The following STAT3 variants were observed in gnomAD, a reference collection of about 807,000 sequenced individuals.
STAT3 encodes the protein signal transducer and activator of transcription 3.
A neutral mutation model predicts 114.3 loss-of-function variants in STAT3; 7 were observed. The observed-to-expected ratio is 0.06, with a 90% CI of 0.03 to 0.11. STAT3 has a LOEUF of 0.11. Ranked by LOEUF, STAT3 falls within the 10% of genes least tolerant of loss-of-function variation. The probability of loss-of-function intolerance (pLI) is 1.00; values close to 1 mark genes in which losing one functional copy is unlikely to be tolerated. For synonymous variants in STAT3, 331 were observed against 354.5 expected (o/e 0.93, Z 0.74); for missense variants, 364 against 960.9 (o/e 0.38, Z 8.21).
At chr17:42,327,872 C>A (rs1352752465) in intron 14 of STAT3, among the ~76,000 whole-genome samples, 2 of 151,844 alleles carry the variant, frequency 1.3e-5, no homozygotes, top group African/African-American at 2.4e-5. Context: ...ATGGTGAAAC[C>A]CTGTCTCTAC....
rs775346917 is a variant in STAT3 at position 42,333,848 on chromosome 17, G to A, written c.956+43C>T. The stretch of plus-strand genomic sequence containing the variant: ...TCTCACTCTACCACGTGAGTCTTTA[G>A]GTATTTTTTAGATGAGGGAAAGGGA... On this transcript the variant is annotated intron_variant, in intron 9 of 23. Coordinates refer to ENST00000264657, the MANE Select transcript of STAT3 (RefSeq NM_139276.3). This position sits in a 1 kb window ranked among gnomAD's most constrained non-coding sequence, Gnocchi z 5.2. 1 of 1,614,086 alleles carries A rather than the reference G, an allele frequency of 6.2e-7. No homozygotes were observed. The highest frequency in any genetic ancestry group is 1.7e-5 in the Admixed American group (1 of 59,992).
intron 11 of STAT3, among the ~76,000 whole-genome samples, chr17:42,330,315 C>T (rs1366451687): frequency 1.3e-5 from 2 of 151,960 alleles, no homozygotes; most frequent in Non-Finnish European, 2.9e-5. Flanking sequence ...AAGGTTTCTC[C>T]ATGTTGGTCG....
chr17:42,352,679 A>G (rs984049999), intron 1 of STAT3, among the ~76,000 whole-genome samples: 2 of 151,918 alleles, frequency 1.3e-5, no homozygotes, highest in Non-Finnish European at 2.9e-5. Flanking sequence ...AATCTGCCTC[A>G]TAGACTAAAA....
intron 1 of STAT3, among the ~76,000 whole-genome samples, chr17:42,384,126 TTA>T (rs1483516201): frequency 4.0e-5 from 3 of 74,970 alleles, no homozygotes; most frequent in Non-Finnish European, 9.1e-5. Flanking sequence ...ATTTATTTAT[TTA>T]TTTATTTTTT....
intron 4 of STAT3, among the ~76,000 whole-genome samples, chr17:42,344,348 G>C (rs920230501): frequency 1.3e-5 from 2 of 151,674 alleles, no homozygotes; most frequent in Non-Finnish European, 2.9e-5. Context: ...CTTGAACCTG[G>C]GAGGCAGAAG....
chr17:42,368,778 G>C (rs2083944137), intron 1 of STAT3, among the ~76,000 whole-genome samples: 1 of 150,780 alleles, frequency 6.6e-6, no homozygotes, highest in African/African-American at 2.4e-5. Flanking sequence ...GGTTACACGT[G>C]CAAGTTTGTT....
intron 1 of STAT3, among the ~76,000 whole-genome samples, chr17:42,383,405 G>A (rs2084911803): frequency 6.8e-6 from 1 of 148,136 alleles, no homozygotes; most frequent in African/African-American, 2.5e-5. Context: ...GTCTCACTAT[G>A]TTGCCCAGGC....
intron 1 of STAT3, among the ~76,000 whole-genome samples, chr17:42,379,963 G>A (rs1174217810): frequency 6.6e-6 from 1 of 152,098 alleles, no homozygotes; most frequent in African/African-American, 2.4e-5. Flanking sequence ...TGGCTGCCAT[G>A]AATCATAATT....
intron 4 of STAT3, among the ~76,000 whole-genome samples, chr17:42,342,514 C>G (rs1292233102): frequency 6.6e-6 from 1 of 151,828 alleles, no homozygotes; most frequent in Non-Finnish European, 1.5e-5. Context: ...TCACTGGGTC[C>G]CCATTTCCTA....
Position 42,324,802 on chromosome 17 carries a change from T to C in STAT3, c.1509A>G (p.Gln503=). ...ACTGCCAGCTCAGGACCTCGGCCAC[T>C]TGATCCCAGGTTCCAATTGGGGGCT... The part of the protein sequence containing the change: ...FTKPPIGTWD[Q]VAEVLSWQFS... The change falls in exon 17 of 24, where the codon CAA becomes CAG. Residue 503 remains glutamine (Q), a synonymous_variant. Coordinates refer to ENST00000264657, the MANE Select transcript of STAT3 (RefSeq NM_139276.3). The surrounding 1 kb of genome is among the most constrained non-coding windows in gnomAD (Gnocchi z 4.5). The C allele has an allele frequency of 6.2e-7, 1 of 1,614,192 alleles. No homozygotes were observed. Among genetic ancestry groups the C allele is most frequent in the African/African-American group, 1.3e-5 (1 of 75,042 alleles).
In STAT3 at chr17:42,324,148, G is replaced by A. The variant is rs563996183; in HGVS notation, c.1601-523C>T. On this transcript the variant is annotated intron_variant, in intron 17 of 23. Transcript: ENST00000264657. This position sits in a 1 kb window ranked among gnomAD's most constrained non-coding sequence, Gnocchi z 4.5. ...ATCCTGGCCAACATGGTAAAACCCC[G>A]TCTCTACTAAAAATACAAAAATTAG... Among the ~76,000 whole-genome samples, 5 of 152,070 alleles carry A rather than the reference G, an allele frequency of 3.3e-5. No individual in the cohort carries two copies. Among genetic ancestry groups the A allele is most frequent in the African/African-American group, 1.2e-4 (5 of 41,472 alleles).
rs1025925749 is a variant in STAT3 at position 42,315,980 on chromosome 17, C to G, written c.2258-180G>C. The G allele has an allele frequency of 4.1e-6, 6 of 1,475,142 alleles. No individual in the cohort carries two copies. The Admixed American group carries it at 7.2e-5, about 18-fold the overall frequency. 91.4% of individuals were successfully genotyped at this position (1,475,142 alleles called of 1,614,324 possible). On this transcript the variant is annotated intron_variant, in intron 23 of 23. Transcript: ENST00000264657. Reference sequence around the variant, plus strand: ...CCCTCCTCCCTGGAGGACCCTGCCTCGGGAAGGGTCCTTTCTCATTCCCAC... The same window carrying G: ...CCCTCCTCCCTGGAGGACCCTGCCTGGGGAAGGGTCCTTTCTCATTCCCAC...
chr17:42,351,392 G>A (rs948151998), intron 1 of STAT3, among the ~76,000 whole-genome samples: 5 of 151,802 alleles, frequency 3.3e-5, no homozygotes, highest in Non-Finnish European at 4.4e-5. Flanking sequence ...CTACAGATGC[G>A]CACCACATCT....
At chr17:42,325,884 T>C (rs959395213) in intron 15 of STAT3, among the ~76,000 whole-genome samples, 1 of 152,186 alleles carries the variant, frequency 6.6e-6, no homozygotes, top group Non-Finnish European at 1.5e-5. Flanking sequence ...AATAGAGATT[T>C]TCATATCAAG....
intron 4 of STAT3, among the ~76,000 whole-genome samples, chr17:42,342,311 T>C (rs1429158934): frequency 6.6e-6 from 1 of 152,066 alleles, no homozygotes; most frequent in Non-Finnish European, 1.5e-5. Flanking sequence ...GGTGAAACCC[T>C]ATCTCACTAA....
At position 42,359,485 on chromosome 17, in the gene STAT3, G is replaced by A. The variant is rs573816465; in HGVS notation, c.-23-10946C>T. Among the ~76,000 whole-genome samples, 9 of 152,210 alleles carry A rather than the reference G, an allele frequency of 5.9e-5. No individual in the cohort carries two copies. The South Asian group carries it at 1.9e-3, about 32-fold the overall frequency. On this transcript the variant is annotated intron_variant, in intron 1 of 23. Coordinates refer to ENST00000264657, the MANE Select transcript of STAT3 (RefSeq NM_139276.3). ...GTGACCTGATCAAATATCTCCATAC[G>A]TATTTCACCTAGGATGGCTCTAGGT... is the stretch of plus-strand genomic sequence containing the variant.
chr17:42,340,788 G>A (rs932489161), intron 4 of STAT3, among the ~76,000 whole-genome samples: 2 of 152,152 alleles, frequency 1.3e-5, no homozygotes, highest in Non-Finnish European at 2.9e-5. Flanking sequence ...GAAAGACTCT[G>A]TGTACACACA....
intron 1 of STAT3, among the ~76,000 whole-genome samples, chr17:42,351,927 T>G (rs944667157): frequency 5.3e-5 from 8 of 149,846 alleles, no homozygotes; most frequent in African/African-American, 1.7e-4. Flanking sequence ...CCCAGCTAAT[T>G]TTTTTTTTTG....
intron 1 of STAT3, among the ~76,000 whole-genome samples, chr17:42,377,883 T>C (rs2084552431): frequency 6.6e-6 from 1 of 152,036 alleles, no homozygotes; most frequent in Non-Finnish European, 1.5e-5. Flanking sequence ...TCACTGGGTA[T>C]AGAGGTATGA....
Sources: allele counts gnomAD v4.1 joint callset (sites outside exome capture counted in the v4.1 genomes callset), GRCh38; gene constraint gnomAD v4.1.1; non-coding constraint Gnocchi (gnomAD v3.1); transcripts MANE v1.5; gene names NCBI Gene and HGNC (gene_info 2026-07-23, HGNC 2026-07-21).